The following KCNAB1 variants were observed in gnomAD, a reference collection of about 807,000 sequenced individuals.
KCNAB1 encodes the protein potassium voltage-gated channel subfamily A regulatory beta subunit 1, also known as voltage-gated potassium channel subunit beta-1.
Under a neutral mutation model 64.6 loss-of-function variants are expected in KCNAB1, and 35 were observed. That is an observed-to-expected ratio of 0.54 (90% CI 0.41 to 0.72). KCNAB1 has a LOEUF of 0.72. Among genes scored for constraint, KCNAB1 ranks in the 30% least tolerant of loss-of-function variants. KCNAB1 has a pLI of 0.00. For synonymous variants in KCNAB1, 177 were observed against 183.8 expected (o/e 0.96, Z 0.30); for missense variants, 401 against 512.9 (o/e 0.78, Z 2.11).
At position 156,190,799 on chromosome 3, in the gene KCNAB1, T is replaced by C. The variant is rs141006531; in HGVS notation, c.275+69913T>C. ...AACTCCACCTCCTAGGTTTAAGAGA[T>C]TCTCCTGCCTCAGTCTCCCAAGTAG... On this transcript the variant is annotated intron_variant, in intron 1 of 13. Transcript: ENST00000490337. Among the ~76,000 whole-genome samples the C allele has an allele frequency of 7.6e-4, 115 of 152,246 alleles. 1 individual carries two copies. The highest frequency in any genetic ancestry group is 2.6e-3 in the African/African-American group (110 of 41,560).
chr3:156,487,970 A>G (rs1293147241), intron 8 of KCNAB1, among the ~76,000 whole-genome samples: 3 of 152,164 alleles, frequency 2.0e-5, no homozygotes, highest in African/African-American at 7.2e-5. Flanking sequence ...CTTCCTGAGC[A>G]GAGATCAAAT....
intron 1 of KCNAB1, among the ~76,000 whole-genome samples, chr3:156,167,966 G>A (rs1276131690): frequency 6.6e-6 from 1 of 152,150 alleles, no homozygotes; most frequent in Non-Finnish European, 1.5e-5. Context: ...ACCTTGGGAG[G>A]CTGAGGTGGA....
chr3:156,219,315 C>G (rs1366752929), intron 1 of KCNAB1, among the ~76,000 whole-genome samples: 1 of 151,390 alleles, frequency 6.6e-6, no homozygotes, highest in Non-Finnish European at 1.5e-5. Flanking sequence ...ATGCAAAATG[C>G]CCTGGAAAGT....
At chr3:156,138,933 G>T (rs776822101) in intron 1 of KCNAB1, among the ~76,000 whole-genome samples, 153 of 152,222 alleles carry the variant, frequency 1.0e-3, no homozygotes, top group Non-Finnish European at 7.1e-4. Flanking sequence ...CAGCAGGACG[G>T]GGCAGGCAGC....
chr3:156,486,067 A>G (rs1056763174), intron 8 of KCNAB1, among the ~76,000 whole-genome samples: 1 of 152,092 alleles, frequency 6.6e-6, no homozygotes, highest in African/African-American at 2.4e-5. Context: ...CCCCTGTGAC[A>G]GTACCTCTTT....
downstream of KCNAB1, chr3:156,538,918 T>G (rs80095223): frequency 6.6e-6 from 1 of 152,220 alleles, no homozygotes; most frequent in African/African-American, 2.4e-5. Flanking sequence ...TTTTAAAAAC[T>G]TACTTGCAAA....
chr3:156,384,700 G>A (rs1440405951), intron 1 of KCNAB1, among the ~76,000 whole-genome samples: 1 of 152,174 alleles, frequency 6.6e-6, no homozygotes, highest in African/African-American at 2.4e-5. Context: ...TAGGCTTCTT[G>A]TTTCATATAT....
intron 1 of KCNAB1, among the ~76,000 whole-genome samples, chr3:156,137,978 T>A (rs1360232012): frequency 6.6e-6 from 1 of 152,212 alleles, no homozygotes; most frequent in Non-Finnish European, 1.5e-5. Context: ...TTAGCCTCAG[T>A]GATTGCCTCT....
intron 1 of KCNAB1, among the ~76,000 whole-genome samples, chr3:156,257,583 A>G (rs1392438509): frequency 6.6e-6 from 1 of 152,172 alleles, no homozygotes; most frequent in Non-Finnish European, 1.5e-5. Flanking sequence ...GTTCCTTTTG[A>G]TAGATCTAAA....
intron 1 of KCNAB1, among the ~76,000 whole-genome samples, chr3:156,183,530 A>G (rs771629172): frequency 6.6e-6 from 1 of 152,172 alleles, no homozygotes; most frequent in Non-Finnish European, 1.5e-5. Flanking sequence ...GAACCCCTGA[A>G]CATTGAAGTT....
intron 1 of KCNAB1, among the ~76,000 whole-genome samples, chr3:156,348,352 G>A (rs1432246395): frequency 6.6e-6 from 1 of 152,208 alleles, no homozygotes; most frequent in African/African-American, 2.4e-5. Context: ...CATTAAGGCA[G>A]TAGACACTAG....
intron 8 of KCNAB1, 40 bp downstream of exon 8, chr3:156,474,860 A>G: frequency 2.0e-6 from 3 of 1,473,746 alleles, no homozygotes; most frequent in Non-Finnish European, 2.8e-6. Flanking sequence ...AGAAATCTTG[A>G]TTCAGTTTGA....
intron 1 of KCNAB1, among the ~76,000 whole-genome samples, chr3:156,214,055 A>G (rs1715168397): frequency 6.6e-6 from 1 of 152,238 alleles, no homozygotes; most frequent in African/African-American, 2.4e-5. Flanking sequence ...TCCATGTGCC[A>G]GAAGGTAGTG....
At chr3:156,212,334 A>G (rs891020772) in intron 1 of KCNAB1, among the ~76,000 whole-genome samples, 1 of 152,174 alleles carries the variant, frequency 6.6e-6, no homozygotes, top group South Asian at 2.1e-4. Context: ...CAAAGGAATA[A>G]AGTGTTAGTG....
At chr3:156,143,126 G>A in intron 1 of KCNAB1, 1 of 1,515,612 alleles carries the variant, frequency 6.6e-7, no homozygotes, top group Non-Finnish European at 8.8e-7. Context: ...GATACAGTGA[G>A]TCTTAAAGTT....
At chr3:156,400,352 C>A (rs927564607) in intron 1 of KCNAB1, among the ~76,000 whole-genome samples, 1 of 152,162 alleles carries the variant, frequency 6.6e-6, no homozygotes, top group Non-Finnish European at 1.5e-5. Flanking sequence ...CCTTGTCAAT[C>A]GAAGGCAGCT....
intron 12 of KCNAB1, among the ~76,000 whole-genome samples, chr3:156,531,083 G>A (rs983578714): frequency 2.0e-5 from 3 of 152,180 alleles, no homozygotes; most frequent in Admixed American, 6.5e-5. Flanking sequence ...GAAAACCAGC[G>A]GAGAAGCAAG....
intron 1 of KCNAB1, among the ~76,000 whole-genome samples, chr3:156,295,451 TAGAA>T (rs1720713318): frequency 6.6e-6 from 1 of 152,228 alleles, no homozygotes; most frequent in Non-Finnish European, 1.5e-5. Flanking sequence ...ACTGAGATTT[TAGAA>T]AGAATTAATG....
intron 2 of KCNAB1, chr3:156,446,669 A>C (rs562493094): frequency 1.6e-4 from 24 of 152,250 alleles, no homozygotes; most frequent in African/African-American, 4.6e-4. Context: ...CACACCCTAC[A>C]CATCCTTTTA....
Sources: gnomAD v4.1 joint callset for allele counts (sites outside exome capture counted in the v4.1 genomes callset) on GRCh38, gnomAD v4.1.1 for gene constraint, MANE v1.5 for transcripts, NCBI Gene and HGNC (gene_info 2026-07-23, HGNC 2026-07-21) for gene names.